The following BPTF variants were observed in gnomAD, a reference collection of about 807,000 sequenced individuals.
BPTF encodes nucleosome-remodeling factor subunit BPTF.
A neutral mutation model predicts 292.5 loss-of-function variants in BPTF; 18 were observed. The ratio of observed to expected loss-of-function variants is 0.06; its 90% CI spans 0.04 to 0.09. The LOEUF is 0.09. Among genes scored for constraint, BPTF ranks in the 10% least tolerant of loss-of-function variants. The pLI, the probability that BPTF is intolerant of heterozygous loss-of-function variation, is 1.00. For missense variants in BPTF, 2,726 were observed against 3,498.7 expected, an observed-to-expected ratio of 0.78 and a Z score of 5.57; for synonymous variants, 1,225 against 1,251.9, an observed-to-expected ratio of 0.98 and a Z score of 0.45.
chr17:67,946,158 C>T lies in BPTF; in HGVS notation c.7450C>T (p.His2484Tyr). ...TCAGCAAAGCAGTGCTGTGCAGACT[C>T]ACCAGATTCAGAATGTGGTTACAGT... ...QIQQSSAVQT[H>Y]QIQNVVTVQA... Residue 2484 changes from histidine (H) to tyrosine (Y), a missense_variant, in exon 21 of 28, where the codon CAC (histidine) becomes TAC (tyrosine). Coordinates refer to ENST00000306378, the MANE Select transcript of BPTF (RefSeq NM_182641.4). 2 of 1,614,204 alleles carry T rather than the reference C, an allele frequency of 1.2e-6. No homozygotes were observed. The highest frequency in any genetic ancestry group is 1.7e-6 in the Non-Finnish European group (2 of 1,180,030).
chr17:67,842,087 C>T (rs1282177253), intron 1 of BPTF, among the ~76,000 whole-genome samples: 2 of 151,848 alleles, frequency 1.3e-5, no homozygotes, highest in Non-Finnish European at 2.9e-5. Context: ...TTTATTCTAG[C>T]GCCCCTCCCT....
At chr17:67,918,566 A>T (rs1467298690) in intron 11 of BPTF, 148 bp from the exon 12 acceptor site, 1 of 627,968 alleles carries the variant, frequency 1.6e-6, no homozygotes, top group African/African-American at 1.9e-5. Flanking sequence ...GACATATAAT[A>T]CCAAAGTCTT....
intron 23 of BPTF, chr17:67,956,010 AT>A (rs1157585493): frequency 1.3e-5 from 2 of 151,544 alleles, no homozygotes; most frequent in Non-Finnish European, 2.9e-5. Context: ...GGGTGTTATG[AT>A]ACACGCCTGT....
chr17:67,906,957 G>A (rs1293052184), intron 9 of BPTF, among the ~76,000 whole-genome samples: 2 of 152,176 alleles, frequency 1.3e-5, no homozygotes, highest in Non-Finnish European at 2.9e-5. Context: ...CAAGGCAGGG[G>A]AGGATCAGTT....
intron 26 of BPTF, among the ~76,000 whole-genome samples, chr17:67,972,954 A>G (rs1211054068): frequency 6.6e-6 from 1 of 150,806 alleles, no homozygotes; most frequent in Non-Finnish European, 1.5e-5. Flanking sequence ...AGTTCTTCAC[A>G]TTTACACATT....
chr17:67,855,125 A>AC (rs2058615154), intron 2 of BPTF, among the ~76,000 whole-genome samples: 1 of 151,976 alleles, frequency 6.6e-6, no homozygotes, highest in Non-Finnish European at 1.5e-5. Flanking sequence ...ATATGGTGAA[A>AC]CCCCACCTCT....
intron 25 of BPTF, among the ~76,000 whole-genome samples, chr17:67,964,742 T>C (rs1293420450): frequency 4.6e-5 from 7 of 152,164 alleles, no homozygotes; most frequent in African/African-American, 1.7e-4. Context: ...GGCTCATGCC[T>C]GTAATCCCAG....
rs1293955017 is a variant in BPTF at position 67,955,502 on chromosome 17, A to G, written c.7927-4039A>G. 8 of 151,712 alleles carry G rather than the reference A, an allele frequency of 5.3e-5. No homozygotes were observed. In the East Asian group the frequency reaches 7.8e-4, roughly 15 times the overall value. The allele number at this position is 151,712 out of a possible 1,614,324, so 9.4% of individuals were successfully genotyped here. On this transcript the variant is annotated intron_variant, in intron 23 of 27. Transcript: ENST00000306378. ...TGTTTTTGGCTTTTCATAGACATCT[A>G]CATGAAGTCTCTGCTTTAGAATCTT... is the stretch of plus-strand genomic sequence containing the variant.
At chr17:67,922,558 G>T (rs1481444174) in intron 13 of BPTF, among the ~76,000 whole-genome samples, 2 of 152,136 alleles carry the variant, frequency 1.3e-5, no homozygotes, top group Non-Finnish European at 1.5e-5. Context: ...GTTGTATAAA[G>T]GCTCATAAGC....
chr17:67,872,391 T>G (rs1047081069), intron 3 of BPTF, among the ~76,000 whole-genome samples: 2 of 152,042 alleles, frequency 1.3e-5, no homozygotes, highest in African/African-American at 4.8e-5. Flanking sequence ...GTACAATGAT[T>G]TGGTTAAGAA....
intron 21 of BPTF, among the ~76,000 whole-genome samples, chr17:67,947,307 A>G (rs150163906): frequency 7.2e-5 from 11 of 152,320 alleles, no homozygotes; most frequent in African/African-American, 2.4e-4. Flanking sequence ...ATCTTTGTAT[A>G]GGGGAGACGA....
Position 67,928,612 on chromosome 17 carries a change from A to G in BPTF, c.5998+11A>G, listed in dbSNP as rs201716234. 4.0e-4 allele frequency: 626 copies of G among 1,584,252 alleles called. No individual in the cohort carries two copies. Among genetic ancestry groups the G allele is most frequent in the Non-Finnish European group, 5.1e-4 (592 of 1,162,696 alleles). ...GCCAGTCAAATTCAGGTATGGAACTATCATTAAGTAAAAGATTACTTTGGT... is the reference window on the plus strand; with the variant it reads ...GCCAGTCAAATTCAGGTATGGAACTGTCATTAAGTAAAAGATTACTTTGGT... On this transcript the variant is annotated intron_variant, in intron 16 of 27. Transcript: ENST00000306378.
chr17:67,843,271 CATATAG>C (rs904440579), intron 1 of BPTF, among the ~76,000 whole-genome samples: 1 of 147,132 alleles, frequency 6.8e-6, no homozygotes, highest in Non-Finnish European at 1.5e-5. Flanking sequence ...TATATGGATA[CATATAG>C]ATATGTAGAC....
intron 19 of BPTF, among the ~76,000 whole-genome samples, chr17:67,943,540 A>C (rs1180385266): frequency 6.6e-6 from 1 of 152,158 alleles, no homozygotes; most frequent in Non-Finnish European, 1.5e-5. Context: ...TTTGCATTAC[A>C]TATCTAAAAC....
Position 67,911,059 on chromosome 17 carries a change from A to G in BPTF, c.3175A>G (p.Lys1059Glu). ...TSYKKKTKSSKLDGLLERRIK... is the reference protein window; with the variant it reads ...TSYKKKTKSSELDGLLERRIK... ...TTACAAAAAGAAAACAAAATCATCC[A>G]AACTAGATGGACTTCTTGAAAGGAG... Residue 1059 changes from lysine (K) to glutamate (E), a missense_variant, in exon 11 of 28, where the codon AAA becomes GAA. Lys to Glu is a moderately conservative substitution (Grantham distance 56). This residue lies in a region of BPTF where 713 missense variants were observed against 714.9 expected (regional missense o/e 1.00). Transcript: ENST00000306378. The G allele has an allele frequency of 6.2e-7, 1 of 1,614,152 alleles. No homozygotes were observed. Among genetic ancestry groups the G allele is most frequent in the Non-Finnish European group, 8.5e-7 (1 of 1,180,012 alleles).
chr17:67,833,857 C>T (rs1360821705), intron 1 of BPTF, among the ~76,000 whole-genome samples: 1 of 152,116 alleles, frequency 6.6e-6, no homozygotes, highest in Non-Finnish European at 1.5e-5. Flanking sequence ...TGTGAGCCAC[C>T]GTGCCTGGAA....
At chr17:67,959,014 A>G (rs1465314029) in intron 23 of BPTF, among the ~76,000 whole-genome samples, 1 of 152,240 alleles carries the variant, frequency 6.6e-6, no homozygotes, top group East Asian at 1.9e-4. Context: ...GTTATGTTGC[A>G]CTACTCTCCC....
In BPTF at chr17:67,959,646, C is replaced by G. The variant is rs1324561157; in HGVS notation, c.8032C>G (p.Pro2678Ala). ...CTGCCCCCCAGTGACACCAGCTCCT[C>G]CAGCCCCTCCAGCCCCTCCACCTTC... ...APCPPVTPAPPAPPAPPPSPP... is the reference protein window; with the variant it reads ...APCPPVTPAPAAPPAPPPSPP... Residue 2678 changes from proline (P) to alanine (A), a missense_variant, in exon 24 of 28, where the codon CCA becomes GCA. Pro to Ala is a conservative substitution (Grantham distance 27). Around this residue, in one of 22 missense-constraint regions of BPTF, gnomAD observed 148 missense variants for 145.5 expected, o/e 1.02. Transcript: ENST00000306378. 5.0e-6 allele frequency: 8 copies of G among 1,603,194 alleles called. No individual in the cohort carries two copies. Among genetic ancestry groups the G allele is most frequent in the Non-Finnish European group, 6.8e-6 (8 of 1,175,444 alleles).
chr17:67,855,849 C>T (rs960127736), intron 2 of BPTF, among the ~76,000 whole-genome samples: 2 of 152,174 alleles, frequency 1.3e-5, no homozygotes, highest in African/African-American at 4.8e-5. Flanking sequence ...AGAGTTGAAA[C>T]TTTATCAGTG....
Sources: gnomAD v4.1 joint callset for allele counts (sites outside exome capture counted in the v4.1 genomes callset) on GRCh38, gnomAD v4.1.1 for gene constraint, gnomAD v4.1.1 regional missense constraint, MANE v1.5 for transcripts, NCBI Gene and HGNC (gene_info 2026-07-23, HGNC 2026-07-21) for gene names.